The following DMXL1 variants were observed in gnomAD, a reference collection of about 807,000 sequenced individuals.
DMXL1 encodes dmX-like protein 1.
Under a neutral mutation model 319.2 loss-of-function variants are expected in DMXL1, and 99 were observed. The ratio of observed to expected loss-of-function variants is 0.31; its 90% CI spans 0.26 to 0.37. DMXL1 has a LOEUF of 0.37. DMXL1 is among the 10% of genes least tolerant of loss of function. The pLI is 1.00. For synonymous variants in DMXL1, 1,385 were observed against 1,235.2 expected (o/e 1.12, Z -2.54); for missense variants, 3,745 against 3,595.6 (o/e 1.04, Z -1.06).
chr5:119,159,152 A>G (rs1771713137), intron 19 of DMXL1, among the ~76,000 whole-genome samples: 2 of 151,478 alleles, frequency 1.3e-5, no homozygotes, highest in Admixed American at 6.6e-5. Context: ...TTTCTTTGAG[A>G]CAGAGTCTCG....
chr5:119,231,125 C>G, intron 38 of DMXL1, among the ~76,000 whole-genome samples: 1 of 152,124 alleles, frequency 6.6e-6, no homozygotes, highest in East Asian at 1.9e-4. Context: ...ATTAGAGATT[C>G]CCTTTTATTT....
At chr5:119,163,638 G>C (rs1386957009) in intron 19 of DMXL1, among the ~76,000 whole-genome samples, 7 of 152,174 alleles carry the variant, frequency 4.6e-5, no homozygotes, top group African/African-American at 7.2e-5. Context: ...GCCCAGGCTG[G>C]AGTGCAGTGG....
intron 13 of DMXL1, among the ~76,000 whole-genome samples, chr5:119,136,642 C>T (rs1277345284): frequency 6.6e-6 from 1 of 152,248 alleles, no homozygotes; most frequent in Non-Finnish European, 1.5e-5. Flanking sequence ...ATTCAGTGCC[C>T]TGCCTCCCAG....
intron 34 of DMXL1, 148 bp downstream of exon 34, chr5:119,207,044 A>G: frequency 3.6e-6 from 2 of 549,378 alleles, no homozygotes; most frequent in Non-Finnish European, 6.3e-6. Context: ...TTAACAACTT[A>G]AATACTGCAG....
chr5:119,140,035 G>A (rs1766952428), intron 13 of DMXL1, among the ~76,000 whole-genome samples: 1 of 152,120 alleles, frequency 6.6e-6, no homozygotes, highest in Non-Finnish European at 1.5e-5. Context: ...GGTAAATAGT[G>A]AAATTAAGAC....
In DMXL1 at chr5:119,164,415, A is replaced by G. The variant is rs545149077; in HGVS notation, c.4703-92A>G. On this transcript the variant is annotated intron_variant, in intron 19 of 43. Transcript: ENST00000539542. Reference sequence around the variant, plus strand: ...AACTGTGAGTCTCATAGAAGTTTACACATTTATATTGAAAATATGGAACAT... The same window carrying G: ...AACTGTGAGTCTCATAGAAGTTTACGCATTTATATTGAAAATATGGAACAT... 11 of 1,159,402 alleles carry G rather than the reference A, an allele frequency of 9.5e-6. No homozygotes were observed. The South Asian group carries it at 1.3e-4, about 14-fold the overall frequency. 71.8% of individuals were successfully genotyped at this position (1,159,402 alleles called of 1,614,324 possible). A position where few individuals can be genotyped will look rare whatever the true frequency, so the allele number is the denominator to read the frequency against.
At chr5:119,234,446 TCTC>T (rs1164390448) in intron 39 of DMXL1, among the ~76,000 whole-genome samples, 6 of 152,170 alleles carry the variant, frequency 3.9e-5, no homozygotes, top group African/African-American at 1.4e-4. Flanking sequence ...CACATTAAAT[TCTC>T]CTCACACATT....
rs200658855 is a variant in DMXL1 at position 119,205,749 on chromosome 5, TGGA to T, written c.7864-1084_7864-1082del. ...TTACATAGTAAAGCATAGATTTGAA[TGGA>T]ATTAAATAGAATATAGAGTTTGTGT... is the stretch of plus-strand genomic sequence containing the variant. On this transcript the variant is annotated intron_variant, in intron 33 of 43. Coordinates refer to ENST00000539542, the MANE Select transcript of DMXL1 (RefSeq NM_001290321.3). 3.9e-3 allele frequency among the ~76,000 whole-genome samples: 597 copies of T among 152,196 alleles called. 10 individuals carry two copies. The highest frequency in any genetic ancestry group is 0.027 in the South Asian group (128 of 4,830).
At position 119,133,704 on chromosome 5, in the gene DMXL1, A is replaced by G; in HGVS notation, c.1780A>G (p.Thr594Ala). Residue 594 changes from threonine to alanine, a missense_variant, in exon 12 of 44, where the codon ACG (threonine) becomes GCG (alanine). Thr to Ala is a moderately conservative substitution (Grantham distance 58). This residue lies in a region of DMXL1 where 2,096 missense variants were observed against 1,985.4 expected (regional missense o/e 1.06). Transcript: ENST00000539542. Reference sequence around the variant, plus strand: ...TAATAGTTTAAAATTAAGTATTTTTACGCCTAATGTTATGATGATATCAAA... The same window carrying G: ...TAATAGTTTAAAATTAAGTATTTTTGCGCCTAATGTTATGATGATATCAAA... ...SSNSLKLSIF[T>A]PNVMMISKHA... The G allele has an allele frequency of 6.2e-7, 1 of 1,614,202 alleles. No individual in the cohort carries two copies. The highest frequency in any genetic ancestry group is 8.5e-7 in the Non-Finnish European group (1 of 1,180,024).
Position 119,129,235 on chromosome 5 carries a change from C to T in DMXL1, c.1127C>T (p.Thr376Ile). The T allele has an allele frequency of 3.7e-6, 6 of 1,611,624 alleles. No individual in the cohort carries two copies. Among genetic ancestry groups the T allele is most frequent in the Non-Finnish European group, 5.1e-6 (6 of 1,178,576 alleles). The change falls in exon 10 of 44, where the codon ACA becomes ATA. Residue 376 changes from threonine to isoleucine, a missense_variant. By Grantham distance (89) the Thr-to-Ile change is moderately conservative (BLOSUM62 -1). This residue lies in a region of DMXL1 where 2,096 missense variants were observed against 1,985.4 expected (regional missense o/e 1.06). Coordinates refer to ENST00000539542, the MANE Select transcript of DMXL1 (RefSeq NM_001290321.3). ...ATDIPLLPSI[T>I]SLSLNENEEK... ...GACATTCCACTTCTTCCATCTATTA[C>T]ATCTCTGAGTCTAAATGAAAATGAA... is the stretch of plus-strand genomic sequence containing the variant.
In DMXL1 at chr5:119,134,016, C is replaced by T. The variant is rs527501798; in HGVS notation, c.2092C>T (p.Pro698Ser). ...KSTVDVAFQD[P>S]SAVYSELILW... ...CACTGTTGACGTGGCATTTCAGGAT[C>T]CCAGTGCAGTTTACAGTGAGCTTAT... The change falls in exon 12 of 44, where the codon CCC (proline) becomes TCC (serine). Residue 698 changes from proline to serine, a missense_variant. By Grantham distance (74) the Pro-to-Ser change is moderately conservative (BLOSUM62 -1). This residue lies in a region of DMXL1 where 2,096 missense variants were observed against 1,985.4 expected (regional missense o/e 1.06). Transcript: ENST00000539542. The T allele has an allele frequency of 1.9e-6, 3 of 1,614,150 alleles. No individual in the cohort carries two copies. Among genetic ancestry groups the T allele is most frequent in the East Asian group, 2.2e-5 (1 of 44,882 alleles).
At chr5:119,112,519 C>T (rs1185125538) in intron 5 of DMXL1, among the ~76,000 whole-genome samples, 2 of 152,174 alleles carry the variant, frequency 1.3e-5, no homozygotes, top group African/African-American at 4.8e-5. Context: ...ATAAATATCA[C>T]ATACCAAAGT....
intron 35 of DMXL1, among the ~76,000 whole-genome samples, chr5:119,219,273 C>A (rs1784234861): frequency 6.6e-6 from 1 of 152,168 alleles, no homozygotes; most frequent in Non-Finnish European, 1.5e-5. Context: ...AGTAAGCATA[C>A]TTGCCCTTTG....
At position 119,098,072 on chromosome 5, in the gene DMXL1, G is replaced by A; in HGVS notation, c.181G>A (p.Gly61Arg). 1 of 1,607,194 alleles carries A rather than the reference G, an allele frequency of 6.2e-7. No homozygotes were observed. The highest frequency in any genetic ancestry group is 2.2e-5 in the East Asian group (1 of 44,536). Residue 61 changes from glycine (G) to arginine (R), a missense_variant, in exon 2 of 44, where the codon GGA becomes AGA. By Grantham distance (125) the Gly-to-Arg change is moderately radical. Around this residue, in one of 4 missense-constraint regions of DMXL1, gnomAD observed 2,096 missense variants for 1,985.4 expected, o/e 1.06. Coordinates refer to ENST00000539542, the MANE Select transcript of DMXL1 (RefSeq NM_001290321.3). ...PGAKHGNIQV[G>R]CVDCSMQQGK... ...AGCTAAACATGGAAATATTCAAGTG[G>A]GATGTGTAGACTGTTCAATGCAACA...
chr5:119,223,582 C>G (rs550864596), intron 37 of DMXL1, among the ~76,000 whole-genome samples: 1 of 152,080 alleles, frequency 6.6e-6, no homozygotes, highest in Non-Finnish European at 1.5e-5. Flanking sequence ...CTTTTTATTT[C>G]GGATAACTGT....
intron 13 of DMXL1, among the ~76,000 whole-genome samples, chr5:119,140,096 A>T (rs1267049563): frequency 4.6e-5 from 7 of 152,246 alleles, no homozygotes; most frequent in African/African-American, 1.7e-4. Flanking sequence ...ATAACATGCC[A>T]GAATCTCTGG....
At chr5:119,085,082 A>G (rs948482918) in intron 1 of DMXL1, among the ~76,000 whole-genome samples, 3 of 151,856 alleles carry the variant, frequency 2.0e-5, no homozygotes, top group African/African-American at 7.3e-5. Context: ...TAATCTCATC[A>G]CTTTGGGAGG....
chr5:119,168,858 T>G (rs992142425), intron 23 of DMXL1, among the ~76,000 whole-genome samples: 8 of 151,816 alleles, frequency 5.3e-5, no homozygotes, highest in Admixed American at 5.3e-4. Context: ...TGGCCCCCTT[T>G]CCCTTTCCCT....
Position 119,149,556 on chromosome 5 carries a change from A to G in DMXL1, c.3729A>G (p.Pro1243=), listed in dbSNP as rs142350084. The G allele has an allele frequency of 7.7e-5, 125 of 1,613,968 alleles. No individual in the cohort carries two copies. The highest frequency in any genetic ancestry group is 1.7e-4 in the Middle Eastern group (1 of 6,058). The change falls in exon 18 of 44, where the codon CCA becomes CCG. Residue 1243 remains proline, a synonymous_variant. Coordinates refer to ENST00000539542, the MANE Select transcript of DMXL1 (RefSeq NM_001290321.3). ...TGCATGTGTATTGCCAATGGCAACC[A>G]TCTTCTAAACAAGAACCTGTTATAA... The part of the protein sequence containing the change: ...CEMHVYCQWQ[P]SSKQEPVITD...
Sources: allele counts gnomAD v4.1 joint callset (sites outside exome capture counted in the v4.1 genomes callset), GRCh38; gene constraint gnomAD v4.1.1; regional missense constraint gnomAD v4.1.1; transcripts MANE v1.5; gene names NCBI Gene and HGNC (gene_info 2026-07-23, HGNC 2026-07-21).